SLC25A43: variants seen among roughly 807,000 people sequenced by gnomAD.
The protein encoded by SLC25A43 is solute carrier family 25, member 43.
SLC25A43 carries 10 observed loss-of-function variants against 22.8 expected under a neutral mutation model. The observed-to-expected ratio is 0.44, with a 90% CI of 0.27 to 0.74. The LOEUF (loss-of-function observed/expected upper bound fraction) is 0.74, where lower values mean the gene tolerates loss of function less well. Ranked by LOEUF, SLC25A43 falls within the 30% of genes least tolerant of loss-of-function variation. SLC25A43 has a pLI of 0.17. For synonymous variants in SLC25A43, 106 were observed against 121.6 expected (o/e 0.87, Z 0.84); for missense variants, 233 against 279.1 (o/e 0.83, Z 1.18).
chrX:119,402,730 G>A (rs965484282), intron 1 of SLC25A43, among the ~76,000 whole-genome samples: 1 of 110,989 alleles, frequency 9.0e-6, no homozygotes, highest in Non-Finnish European at 1.9e-5. Flanking sequence ...GTGTGGGGGT[G>A]GGAGGAAGAA....
chrX:119,448,893 T>C (rs780503657), intron 3 of SLC25A43, among the ~76,000 whole-genome samples: 3 of 111,826 alleles, frequency 2.7e-5, no homozygotes, highest in South Asian at 3.7e-4. Flanking sequence ...TCAATAAATA[T>C]GCAAATAAAT....
chrX:119,424,458 C>T (rs1569371147), intron 3 of SLC25A43, among the ~76,000 whole-genome samples: 2 of 108,687 alleles, frequency 1.8e-5, no homozygotes, highest in South Asian at 4.2e-4. Context: ...GTCTCTCCTT[C>T]CTCAGGCCCT....
intron 3 of SLC25A43, among the ~76,000 whole-genome samples, chrX:119,417,949 A>G (rs762946685): frequency 9.0e-6 from 1 of 110,752 alleles, no homozygotes; most frequent in Non-Finnish European, 1.9e-5. Flanking sequence ...TGTCCACCCT[A>G]TGTTAAAAAA....
intron 1 of SLC25A43, among the ~76,000 whole-genome samples, chrX:119,404,066 C>T (rs1569364650): frequency 9.5e-6 from 1 of 105,045 alleles, no homozygotes; most frequent in Admixed American, 1.0e-4. Flanking sequence ...TGCGTGATCT[C>T]GGCTCACTGC....
chrX:119,431,647 G>C (rs774687385), intron 3 of SLC25A43, among the ~76,000 whole-genome samples: 1 of 112,211 alleles, frequency 8.9e-6, no homozygotes, highest in African/African-American at 3.2e-5. Context: ...AGCTATATTT[G>C]GGAAAAGCTA....
chrX:119,446,171 A>G (rs1436922751), intron 3 of SLC25A43, among the ~76,000 whole-genome samples: 1 of 107,888 alleles, frequency 9.3e-6, no homozygotes, highest in Non-Finnish European at 1.9e-5. Context: ...AAAAAAAAAA[A>G]AAAAAAAGAA....
At chrX:119,404,928 T>C (rs1281124171) in intron 1 of SLC25A43, among the ~76,000 whole-genome samples, 1 of 112,042 alleles carries the variant, frequency 8.9e-6, no homozygotes, top group African/African-American at 3.2e-5. Flanking sequence ...CTGTGGGCTG[T>C]GGGTTGGACA....
In SLC25A43 at chrX:119,399,449, C is replaced by T; in HGVS notation, c.46C>T (p.Leu16=). 1.9e-6 allele frequency: 2 copies of T among 1,037,327 alleles called. No homozygotes were observed. Among genetic ancestry groups the T allele is most frequent in the Non-Finnish European group, 2.5e-6 (2 of 811,977 alleles). The allele number at this position is 1,037,327 out of a possible 1,213,427, so 85.5% of individuals were successfully genotyped here. A position where few individuals can be genotyped will look rare whatever the true frequency, so the allele number is the denominator to read the frequency against. Residue 16 remains leucine (L), a synonymous_variant, in exon 1 of 5, where the codon CTG becomes TTG. Coordinates refer to ENST00000217909, the MANE Select transcript of SLC25A43 (RefSeq NM_145305.3). ...RDGRLTGGQR[L]LCAGLAGTLS... is the part of the protein sequence containing the mutation. Reference sequence around the variant, plus strand: ...CGGCCGACTGACAGGCGGCCAAAGGCTGCTGTGCGCTGGGCTGGCGGGGAC... The same window carrying T: ...CGGCCGACTGACAGGCGGCCAAAGGTTGCTGTGCGCTGGGCTGGCGGGGAC...
chrX:119,448,944 C>T (rs1329956263), intron 3 of SLC25A43, among the ~76,000 whole-genome samples: 1 of 110,808 alleles, frequency 9.0e-6, no homozygotes, highest in Non-Finnish European at 1.9e-5. Flanking sequence ...TAAAAAAGAG[C>T]TAAGGAGTGC....
rs2052722242 is a variant in SLC25A43 at position 119,453,699 on chromosome X, A to G, written c.*634A>G. The G allele has an allele frequency of 8.9e-6, 1 of 112,381 alleles. No homozygotes were observed. Among genetic ancestry groups the G allele is most frequent in the South Asian group, 3.8e-4 (1 of 2,658 alleles). The allele number at this position is 112,381 out of a possible 1,213,427, so 9.3% of individuals were successfully genotyped here. ...TAGGTGCACACCACCACACCTAGCT[A>G]ATTTTTTGGGGAGGTCTTGCTATGT... On this transcript the variant is annotated 3_prime_UTR_variant, in exon 5 of 5. Coordinates refer to ENST00000217909, the MANE Select transcript of SLC25A43 (RefSeq NM_145305.3).
At chrX:119,405,663 A>G in intron 1 of SLC25A43, among the ~76,000 whole-genome samples, 1 of 106,666 alleles carries the variant, frequency 9.4e-6, no homozygotes, top group East Asian at 2.9e-4. Context: ...TCAGCTACTC[A>G]GGAGGCTGAG....
Position 119,449,413 on chromosome X carries a change from C to CAAA in SLC25A43, c.691-2582_691-2580dup, listed in dbSNP as rs34141915. Among the ~76,000 whole-genome samples the CAAA allele has an allele frequency of 6.9e-3, 502 of 72,574 alleles. 6 individuals carry two copies. Among genetic ancestry groups the CAAA allele is most frequent in the Non-Finnish European group, 7.9e-3 (313 of 39,575 alleles). The allele number at this position is 72,574 out of a possible 115,157, so 63.0% of individuals were successfully genotyped here. A position where few individuals can be genotyped will look rare whatever the true frequency, so the allele number is the denominator to read the frequency against. On this transcript the variant is annotated intron_variant, in intron 3 of 4. Transcript: ENST00000217909. ...TGAGCAACAGAGCGAGACTCTGTCTCAAAAAAAAAAAAAAAAGAAGAAGAA... is the reference window on the plus strand; with the variant it reads ...TGAGCAACAGAGCGAGACTCTGTCTCAAAAAAAAAAAAAAAAAAAGAAGAAGAA...
intron 1 of SLC25A43, 85 bp downstream of exon 1, chrX:119,399,763 G>C: frequency 1.1e-6 from 1 of 938,766 alleles, no homozygotes; most frequent in Non-Finnish European, 1.3e-6. Flanking sequence ...CCTGCTGCCT[G>C]GACTCGGGGC....
Position 119,421,572 on chromosome X carries a change from A to T in SLC25A43, c.690+11210A>T, listed in dbSNP as rs1388975788. 4.5e-5 allele frequency among the ~76,000 whole-genome samples: 5 copies of T among 111,996 alleles called. No individual in the cohort carries two copies. In the East Asian group the frequency reaches 1.4e-3, roughly 31 times the overall value. Reference sequence around the variant, plus strand: ...TTCATGAGGTTACCTCTGTCTTGGAACATCTGCCCAATTTTCTTAAAGGCT... The same window carrying T: ...TTCATGAGGTTACCTCTGTCTTGGATCATCTGCCCAATTTTCTTAAAGGCT... On this transcript the variant is annotated intron_variant, in intron 3 of 4. Coordinates refer to ENST00000217909, the MANE Select transcript of SLC25A43 (RefSeq NM_145305.3).
rs192573660 is a variant in SLC25A43, at chrX:119,410,822, G to A, written c.690+460G>A. Among the ~76,000 whole-genome samples, 58 of 110,956 alleles carry A rather than the reference G, an allele frequency of 5.2e-4. 1 individual carries two copies. The highest frequency in any genetic ancestry group is 4.7e-3 in the Middle Eastern group (1 of 212). ...GAGGATCACTTGAACTTGAGAGGCAGAGGTTGCAGTGAGCTGAGATCGCGC... is the reference window on the plus strand; with the variant it reads ...GAGGATCACTTGAACTTGAGAGGCAAAGGTTGCAGTGAGCTGAGATCGCGC... On this transcript the variant is annotated intron_variant, in intron 3 of 4. Transcript: ENST00000217909.
chrX:119,428,708 G>A (rs1048551520), intron 3 of SLC25A43, among the ~76,000 whole-genome samples: 12 of 112,323 alleles, frequency 1.1e-4, no homozygotes, highest in Admixed American at 2.8e-4. Flanking sequence ...CCCCTGGTCC[G>A]TGGCCTGTTA....
At chrX:119,419,432 A>C (rs781673274) in intron 3 of SLC25A43, among the ~76,000 whole-genome samples, 32 of 111,660 alleles carry the variant, frequency 2.9e-4, no homozygotes, top group Non-Finnish European at 1.9e-5. Flanking sequence ...CAGCTGACTG[A>C]GCAGAATATA....
chrX:119,428,858 G>A lies in SLC25A43; in HGVS notation c.690+18496G>A, dbSNP rs1272046566. 2.7e-5 allele frequency among the ~76,000 whole-genome samples: 3 copies of A among 110,650 alleles called. No individual in the cohort carries two copies. In the East Asian group the frequency reaches 8.6e-4, roughly 32 times the overall value. Reference sequence around the variant, plus strand: ...CCCTATTGTGAGCTGTGCGTGCAAGGGACCTGGGTTGCACACTCCTTATGA... The same window carrying A: ...CCCTATTGTGAGCTGTGCGTGCAAGAGACCTGGGTTGCACACTCCTTATGA... On this transcript the variant is annotated intron_variant, in intron 3 of 4. Coordinates refer to ENST00000217909, the MANE Select transcript of SLC25A43 (RefSeq NM_145305.3).
chrX:119,431,004 C>T (rs2052547646), intron 3 of SLC25A43, among the ~76,000 whole-genome samples: 1 of 111,921 alleles, frequency 8.9e-6, no homozygotes, highest in Non-Finnish European at 1.9e-5. Flanking sequence ...TATTTTCAGT[C>T]CTGAGCGTCA....
Sources: allele counts gnomAD v4.1 joint callset (sites outside exome capture counted in the v4.1 genomes callset), GRCh38; gene constraint gnomAD v4.1.1; transcripts MANE v1.5; gene names NCBI Gene and HGNC (gene_info 2026-07-23, HGNC 2026-07-21).